The following SEC14L4 variants were observed in gnomAD, a reference collection of about 807,000 sequenced individuals.
SEC14L4 encodes the protein SEC14-like protein 4.
In SEC14L4, 42 loss-of-function variants were observed where a neutral mutation model predicts 55.1. The ratio of observed to expected loss-of-function variants is 0.76; its 90% CI spans 0.60 to 0.99. The LOEUF (loss-of-function observed/expected upper bound fraction) is 0.99. SEC14L4 is among the 50% of genes least tolerant of loss of function. SEC14L4 has a pLI of 0.00. For missense variants in SEC14L4, 445 were observed against 512.1 expected (o/e 0.87, Z 1.27); for synonymous variants, 206 against 206.8 (o/e 1.00, Z 0.03).
At chr22:30,492,179 T>G (rs1935985423) in intron 8 of SEC14L4, 24 bp from the exon 9 acceptor site, 1 of 1,591,346 alleles carries the variant, frequency 6.3e-7, no homozygotes, top group East Asian at 2.3e-5. Context: ...AGAGAGGGAC[T>G]CCAAAGGGAC....
Position 30,491,905 on chromosome 22 carries a change from G to C in SEC14L4, c.840C>G (p.His280Gln). Residue 280 changes from histidine (H) to glutamine (Q), a missense_variant, in exon 10 of 12, where the codon CAC (histidine) becomes CAG (glutamine). By Grantham distance (24) the His-to-Gln change is conservative. Transcript: ENST00000255858. ...LCEQVRLQYEHTRSVGRGSSL... is the reference protein window; with the variant it reads ...LCEQVRLQYEQTRSVGRGSSL... Reference sequence around the variant, plus strand: ...AGGAGCCGCGGCCCACGGACCTCGTGTGCTCATACTGCAGCCTCACCTGCT... The same window carrying C: ...AGGAGCCGCGGCCCACGGACCTCGTCTGCTCATACTGCAGCCTCACCTGCT... 6.2e-7 allele frequency: 1 copy of C among 1,613,804 alleles called. No homozygotes were observed. Among genetic ancestry groups the C allele is most frequent in the South Asian group, 1.1e-5 (1 of 91,038 alleles).
chr22:30,491,769 A>C (rs1265020287), intron 10 of SEC14L4, 27 bp from the exon 11 acceptor site: 2 of 1,609,364 alleles, frequency 1.2e-6, no homozygotes, highest in East Asian at 2.2e-5. Flanking sequence ...CCCATTGGCG[A>C]CCCCCTGCCT....
intron 2 of SEC14L4, 88 bp from the exon 3 acceptor site, chr22:30,496,059 C>G (rs1348805623): frequency 2.9e-6 from 3 of 1,050,292 alleles, no homozygotes; most frequent in Non-Finnish European, 4.3e-6. Context: ...GCTAAGGTGT[C>G]CCCAGCCTTT....
At chr22:30,498,442 CTT>C (rs1206616942) in intron 2 of SEC14L4, among the ~76,000 whole-genome samples, 2 of 152,150 alleles carry the variant, frequency 1.3e-5, no homozygotes, top group Non-Finnish European at 2.9e-5. Context: ...TGAATTTTCT[CTT>C]GAGTTCTAGA....
intron 7 of SEC14L4, 52 bp downstream of exon 7, chr22:30,494,098 C>A: frequency 7.5e-7 from 1 of 1,341,390 alleles, no homozygotes; most frequent in Non-Finnish European, 1.1e-6. Context: ...CCTACTGTAC[C>A]CCCAATTCCT....
chr22:30,490,312 C>T (rs1336811051), intron 11 of SEC14L4, 66 bp from the exon 12 acceptor site: 1 of 1,599,062 alleles, frequency 6.3e-7, no homozygotes, highest in Non-Finnish European at 8.5e-7. Context: ...GCCAGCCCTG[C>T]ATGGGTGCAT....
intron 2 of SEC14L4, among the ~76,000 whole-genome samples, chr22:30,499,564 C>G (rs1936256454): frequency 6.6e-6 from 1 of 151,168 alleles, no homozygotes; most frequent in South Asian, 2.1e-4. Flanking sequence ...ATGGTGAAAC[C>G]CTGTCTCTAC....
intron 3 of SEC14L4, 41 bp downstream of exon 3, chr22:30,495,887 A>G (rs1178081328): frequency 6.2e-7 from 1 of 1,603,514 alleles, no homozygotes. Context: ...CCTGGGTCAC[A>G]GTGCATGGAA....
At chr22:30,496,076 C>T in intron 2 of SEC14L4, 105 bp from the exon 3 acceptor site, 4 of 793,390 alleles carry the variant, frequency 5.0e-6, no homozygotes, top group East Asian at 2.6e-5. Flanking sequence ...CTTTTCCTGA[C>T]ACCCCAATAA....
At chr22:30,495,205 G>A (rs1375771070) in intron 5 of SEC14L4, 49 bp downstream of exon 5, 1 of 1,503,368 alleles carries the variant, frequency 6.7e-7, no homozygotes, top group African/African-American at 1.4e-5. Flanking sequence ...CTCTGGTCCT[G>A]GTGCCACCCT....
chr22:30,495,451 G>A lies in SEC14L4; in HGVS notation c.235-9C>T. 6.2e-7 allele frequency: 1 copy of A among 1,612,676 alleles called. No homozygotes were observed. The highest frequency in any genetic ancestry group is 1.7e-5 in the Admixed American group (1 of 59,956). The stretch of plus-strand genomic sequence containing the variant: ...TCATACAGCTGGATGACCTGGAAGT[G>A]TGGGTAAGGTCCCGACTCAATCCAG... On this transcript the variant is annotated splice_polypyrimidine_tract_variant and intron_variant, in intron 4 of 11. Coordinates refer to ENST00000255858, the MANE Select transcript of SEC14L4 (RefSeq NM_174977.4).
chr22:30,494,498 T>G (rs1393631795), intron 6 of SEC14L4, among the ~76,000 whole-genome samples: 2 of 152,080 alleles, frequency 1.3e-5, no homozygotes, highest in Non-Finnish European at 2.9e-5. Flanking sequence ...CACCCAAGTA[T>G]CTAGGACTAC....
At chr22:30,494,825 G>A (rs762444728) in intron 6 of SEC14L4, 41 bp downstream of exon 6, 1 of 1,326,454 alleles carries the variant, frequency 7.5e-7, no homozygotes, top group Non-Finnish European at 1.1e-6. Context: ...ACAGCTGGGA[G>A]CCACTGCCCA....
chr22:30,495,840 G>A (rs776185512), intron 3 of SEC14L4, 88 bp downstream of exon 3: 1 of 1,590,796 alleles, frequency 6.3e-7, no homozygotes, highest in Non-Finnish European at 8.6e-7. Flanking sequence ...CAGGAGAATG[G>A]GACAGGGCCA....
In SEC14L4 at chr22:30,494,118, T is replaced by C. The variant is rs199527026; in HGVS notation, c.580+32A>G. 23 of 1,550,912 alleles carry C rather than the reference T, an allele frequency of 1.5e-5. No individual in the cohort carries two copies. In the East Asian group the frequency reaches 3.8e-4, roughly 26 times the overall value. On this transcript the variant is annotated intron_variant, in intron 7 of 11. Coordinates refer to ENST00000255858, the MANE Select transcript of SEC14L4 (RefSeq NM_174977.4). ...TGTACCCCCAATTCCTGCTTCTCCCTCCCCAGGAGGTCATCCCGGTCATGG... is the reference window on the plus strand; with the variant it reads ...TGTACCCCCAATTCCTGCTTCTCCCCCCCCAGGAGGTCATCCCGGTCATGG...
chr22:30,492,315 G>T (rs765136921), intron 8 of SEC14L4, 159 bp downstream of exon 8: 3 of 1,164,572 alleles, frequency 2.6e-6, no homozygotes, highest in East Asian at 5.1e-5. Flanking sequence ...CCCAGCCCAC[G>T]GTCTAGGACC....
At chr22:30,496,679 G>A (rs1407231471) in intron 2 of SEC14L4, among the ~76,000 whole-genome samples, 2 of 152,080 alleles carry the variant, frequency 1.3e-5, no homozygotes, top group African/African-American at 4.8e-5. Flanking sequence ...CCTTGAGCAA[G>A]TCACTTACCT....
intron 2 of SEC14L4, among the ~76,000 whole-genome samples, chr22:30,501,878 T>TATATATATATATATATATATAC (rs1252400924): frequency 7.2e-6 from 1 of 139,678 alleles, no homozygotes; most frequent in Non-Finnish European, 1.6e-5. Context: ...TATATATACA[T>TATATATATATATATATATATAC]ACACATACTT....
intron 2 of SEC14L4, among the ~76,000 whole-genome samples, chr22:30,497,975 G>A (rs1403355068): frequency 6.6e-6 from 1 of 152,084 alleles, no homozygotes; most frequent in African/African-American, 2.4e-5. Flanking sequence ...GTTATATGTG[G>A]CTACAGGTGA....
Sources: gnomAD v4.1 joint callset for allele counts (sites outside exome capture counted in the v4.1 genomes callset) on GRCh38, gnomAD v4.1.1 for gene constraint, MANE v1.5 for transcripts, NCBI Gene and HGNC (gene_info 2026-07-23, HGNC 2026-07-21) for gene names.